The following SH3TC2 variants were observed in gnomAD, a reference collection of about 807,000 sequenced individuals.
The protein encoded by SH3TC2 is SH3 domain and tetratricopeptide repeat-containing protein 2.
Under a neutral mutation model 124.5 loss-of-function variants are expected in SH3TC2, and 87 were observed. The ratio of observed to expected loss-of-function variants is 0.70; its 90% confidence interval spans 0.59 to 0.84. The LOEUF is 0.84. SH3TC2 is among the 40% of genes least tolerant of loss of function. SH3TC2 has a pLI of 0.00. For missense variants in SH3TC2, 1,536 were observed against 1,566.4 expected (o/e 0.98, Z 0.33); for synonymous variants, 634 against 628.5 (o/e 1.01, Z -0.13).
chr5:149,041,907 T>C (rs1377693944), intron 5 of SH3TC2, among the ~76,000 whole-genome samples: 1 of 152,160 alleles, frequency 6.6e-6, no homozygotes, highest in Non-Finnish European at 1.5e-5. Flanking sequence ...GATGAAAACT[T>C]GTGAAAATAT....
At chr5:149,016,372 C>T (rs1016762208) in intron 12 of SH3TC2, among the ~76,000 whole-genome samples, 7 of 152,126 alleles carry the variant, frequency 4.6e-5, no homozygotes, top group Non-Finnish European at 8.8e-5. Context: ...TCATTTACCA[C>T]TTTAAAAGTC....
Position 149,062,980 on chromosome 5 carries a change from G to A in SH3TC2, c.43C>T (p.Arg15Trp), listed in dbSNP as rs777499453. The change falls in exon 1 of 17, where the codon CGG becomes TGG. Residue 15 changes from arginine (R) to tryptophan (W), a missense_variant. Coordinates refer to ENST00000515425, the MANE Select transcript of SH3TC2 (RefSeq NM_024577.4). ...CCCCTGGGAAACTCACCTGGGCCCC[G>A]GGTCAGACTCCGCTCCCTGGGGATG... ...FCIPRERSLTRGPGKETPSKD... is the reference protein window; with the variant it reads ...FCIPRERSLTWGPGKETPSKD... The A allele has an allele frequency of 2.8e-5, 45 of 1,596,008 alleles. No homozygotes were observed. Among genetic ancestry groups the A allele is most frequent in the Admixed American group, 6.9e-5 (4 of 58,186 alleles).
chr5:149,021,032 G>A (rs1027362600), intron 12 of SH3TC2, among the ~76,000 whole-genome samples: 1 of 152,010 alleles, frequency 6.6e-6, no homozygotes, highest in Non-Finnish European at 1.5e-5. Flanking sequence ...ACCATATGTT[G>A]GGCCACCAAA....
intron 2 of SH3TC2, 130 bp from the exon 3 acceptor site, chr5:149,048,119 T>C (rs1754498295): frequency 7.6e-7 from 1 of 1,314,652 alleles, no homozygotes; most frequent in Non-Finnish European, 1.1e-6. Flanking sequence ...AGTTACAGAT[T>C]AGAGTGGTCT....
chr5:149,025,166 A>C (rs1432317992), intron 12 of SH3TC2, among the ~76,000 whole-genome samples: 1 of 152,130 alleles, frequency 6.6e-6, no homozygotes, highest in East Asian at 1.9e-4. Flanking sequence ...CTAGAATGAA[A>C]GCAGGGTGGA....
At chr5:149,018,023 A>G (rs1328797770) in intron 12 of SH3TC2, among the ~76,000 whole-genome samples, 3 of 152,234 alleles carry the variant, frequency 2.0e-5, no homozygotes, top group Non-Finnish European at 4.4e-5. Context: ...TAAAACACTT[A>G]CTATATGATT....
intron 1 of SH3TC2, among the ~76,000 whole-genome samples, chr5:149,057,911 C>T (rs1163955488): frequency 6.6e-6 from 1 of 152,188 alleles, no homozygotes; most frequent in African/African-American, 2.4e-5. Flanking sequence ...GCCACATGAT[C>T]AAAGTTAAGC....
rs953709289 is a variant in SH3TC2, at chr5:148,990,764, T to C, written c.*13947A>G. Among the ~76,000 whole-genome samples the C allele has an allele frequency of 1.3e-5, 2 of 152,236 alleles. No individual in the cohort carries two copies. Among genetic ancestry groups the C allele is most frequent in the African/African-American group, 2.4e-5 (1 of 41,452 alleles). ...TAAACATTAGCTGTGTTATTTATTA[T>C]AGAGTATACAGGATACAAAATATAA... On this transcript the variant is annotated 3_prime_UTR_variant, in exon 17 of 17. Coordinates refer to ENST00000515425, the MANE Select transcript of SH3TC2 (RefSeq NM_024577.4).
At position 149,038,449 on chromosome 5, in the gene SH3TC2, C is replaced by A; in HGVS notation, c.847G>T (p.Glu283Ter). The A allele has an allele frequency of 6.2e-7, 1 of 1,614,166 alleles. No individual in the cohort carries two copies. Among genetic ancestry groups the A allele is most frequent in the Non-Finnish European group, 8.5e-7 (1 of 1,180,000 alleles). ...TGGTAGAAATTCAGTTCATCCTTTTCTCCTGGCTCATAACCCGTCAAGGCC... is the reference window on the plus strand; with the variant it reads ...TGGTAGAAATTCAGTTCATCCTTTTATCCTGGCTCATAACCCGTCAAGGCC... ...CKALTGYEPG[E>*]KDELNFYQGE... The change falls in exon 8 of 17, where the codon GAA (glutamate) becomes TAA (stop). Residue 283 changes from glutamate (E) to a stop codon, truncating the protein, a stop_gained. Coordinates refer to ENST00000515425, the MANE Select transcript of SH3TC2 (RefSeq NM_024577.4). LOFTEE classifies it high-confidence loss of function.
Position 149,006,928 on chromosome 5 carries a change from C to CA in SH3TC2, c.3627dup (p.Ala1210CysfsTer20), listed in dbSNP as rs755785317. ...CTGCCCAGGCGATAATACACCTTGG[C>CA]ATAGTACAGGGCCTCCTTGGGACTC... On this transcript the variant is annotated frameshift_variant, in exon 16 of 17. Transcript: ENST00000515425. LOFTEE classifies it high-confidence loss of function. The CA allele has an allele frequency of 2.5e-6, 4 of 1,614,114 alleles. No homozygotes were observed. Among genetic ancestry groups the CA allele is most frequent in the Non-Finnish European group, 3.4e-6 (4 of 1,180,024 alleles).
At position 148,996,269 on chromosome 5, in the gene SH3TC2, GAA is replaced by G. The variant is rs1408741132; in HGVS notation, c.*8440_*8441del. Among the ~76,000 whole-genome samples, 1 of 151,518 alleles carries G rather than the reference GAA, an allele frequency of 6.6e-6. No individual in the cohort carries two copies. The highest frequency in any genetic ancestry group is 1.5e-5 in the Non-Finnish European group (1 of 67,946). ...AGTGAGACCCTGCCTAAATAAGAGA[GAA>G]AGAGAGAGAGAGAGAGAAACAGACA... is the stretch of plus-strand genomic sequence containing the variant. On this transcript the variant is annotated 3_prime_UTR_variant, in exon 17 of 17. Coordinates refer to ENST00000515425, the MANE Select transcript of SH3TC2 (RefSeq NM_024577.4).
At chr5:149,045,990 C>G (rs138266821) in intron 3 of SH3TC2, 2 of 424,172 alleles carry the variant, frequency 4.7e-6, no homozygotes, top group African/African-American at 4.2e-5. Context: ...TGAATCACTG[C>G]CCAGACTTAG....
chr5:149,050,038 C>T (rs2127402818), intron 2 of SH3TC2, among the ~76,000 whole-genome samples: 1 of 152,266 alleles, frequency 6.6e-6, no homozygotes, highest in South Asian at 2.1e-4. Context: ...ATCCAAAATC[C>T]CCCATTCGTA....
intron 13 of SH3TC2, among the ~76,000 whole-genome samples, chr5:149,010,759 A>C (rs1753772054): frequency 6.6e-6 from 1 of 152,210 alleles, no homozygotes; most frequent in Non-Finnish European, 1.5e-5. Flanking sequence ...AGTGTAGAAA[A>C]AGCTACGTTG....
rs112337746 is a variant in SH3TC2, at chr5:149,027,036, A to G, written c.2696T>C (p.Leu899Pro). The change falls in exon 11 of 17, where the codon CTC (leucine) becomes CCC (proline). Residue 899 changes from leucine to proline, a missense_variant. By Grantham distance (98) the Leu-to-Pro change is moderately conservative (BLOSUM62 -3). This residue lies in a region of SH3TC2 where 1,102 missense variants were observed against 1,098.6 expected (regional missense o/e 1.00). Coordinates refer to ENST00000515425, the MANE Select transcript of SH3TC2 (RefSeq NM_024577.4). ...SWAQHPARNYLLQAVRLYCEL... is the reference protein window; with the variant it reads ...SWAQHPARNYPLQAVRLYCEL... ...ACAATAGAGTCGTACAGCCTGCAGG[A>G]GATAGTTTCTGGCTGGATGCTGAGC... 1.9e-6 allele frequency: 3 copies of G among 1,614,092 alleles called. No individual in the cohort carries two copies. The highest frequency in any genetic ancestry group is 2.5e-6 in the Non-Finnish European group (3 of 1,180,012).
chr5:149,032,913 T>C (rs1456218809), intron 8 of SH3TC2, among the ~76,000 whole-genome samples: 30 of 152,206 alleles, frequency 2.0e-4, no homozygotes, highest in Admixed American at 2.0e-3. Context: ...CCACGGAAGC[T>C]TCTAATCTCA....
intron 15 of SH3TC2, chr5:149,007,951 T>C (rs1753718483): frequency 6.6e-6 from 1 of 152,506 alleles, no homozygotes; most frequent in Non-Finnish European, 1.5e-5. Context: ...TCCCATCCAG[T>C]GAGGGATAAA....
chr5:149,032,614 T>A (rs990542273), intron 8 of SH3TC2, among the ~76,000 whole-genome samples: 17 of 152,196 alleles, frequency 1.1e-4, no homozygotes, highest in African/African-American at 4.1e-4. Context: ...AATCCACACA[T>A]TTGCCATACA....
At chr5:149,022,827 T>A (rs1753997754) in intron 12 of SH3TC2, among the ~76,000 whole-genome samples, 1 of 152,142 alleles carries the variant, frequency 6.6e-6, no homozygotes, top group Middle Eastern at 3.2e-3. Context: ...ATATCAAATG[T>A]CCAGAATAGG....
Sources: allele counts gnomAD v4.1 joint callset (sites outside exome capture counted in the v4.1 genomes callset), GRCh38; gene constraint gnomAD v4.1.1; regional missense constraint gnomAD v4.1.1; transcripts MANE v1.5; gene names NCBI Gene and HGNC (gene_info 2026-07-23, HGNC 2026-07-21).